Variants in EXOC6 observed in about 807,000 individuals in gnomAD.
The protein encoded by EXOC6 is SEC15-like 1.
EXOC6 carries 60 observed loss-of-function variants against 112.5 expected under a neutral mutation model. The observed-to-expected ratio is 0.53, with a 90% CI of 0.43 to 0.66. The LOEUF is 0.66. EXOC6 is among the 30% of genes least tolerant of loss of function. The pLI is 0.00. For missense variants in EXOC6, 855 were observed against 957.1 expected, an observed-to-expected ratio of 0.89 and a Z score of 1.41; for synonymous variants, 295 against 308.0, an observed-to-expected ratio of 0.96 and a Z score of 0.44.
At chr10:92,840,090 A>T (rs957684512) in intron 1 of EXOC6, among the ~76,000 whole-genome samples, 12 of 151,486 alleles carry the variant, frequency 7.9e-5, no homozygotes, top group African/African-American at 2.7e-4. Flanking sequence ...TTTAGGAATA[A>T]AGATAACGTG....
At chr10:92,878,575 G>C (rs1848789802) in intron 1 of EXOC6, among the ~76,000 whole-genome samples, 1 of 152,046 alleles carries the variant, frequency 6.6e-6, no homozygotes, top group Non-Finnish European at 1.5e-5. Flanking sequence ...TGCGCCCCTG[G>C]AAGATCATAC....
intron 17 of EXOC6, among the ~76,000 whole-genome samples, chr10:92,964,717 G>A (rs1841974692): frequency 1.3e-5 from 2 of 152,180 alleles, no homozygotes; most frequent in Non-Finnish European, 2.9e-5. Context: ...AAACAATAAA[G>A]GAAAAATTAT....
At chr10:92,858,617 C>T (rs1847743695) in intron 1 of EXOC6, among the ~76,000 whole-genome samples, 2 of 152,152 alleles carry the variant, frequency 1.3e-5, no homozygotes, top group Admixed American at 1.3e-4. Flanking sequence ...ATTTCTACTT[C>T]TTTATCCATC....
intron 19 of EXOC6, among the ~76,000 whole-genome samples, 168 bp downstream of exon 19, chr10:92,997,783 A>G (rs1442659715): frequency 1.3e-5 from 2 of 152,182 alleles, no homozygotes; most frequent in African/African-American, 4.8e-5. Context: ...GGAAGATAAA[A>G]ATATCTCAGC....
upstream of EXOC6, among the ~76,000 whole-genome samples, chr10:92,831,733 C>T (rs149021721): frequency 1.8e-3 from 276 of 152,174 alleles, 1 homozygote; most frequent in African/African-American, 6.5e-3. Flanking sequence ...CCGCGCCCAG[C>T]CTATTCTATT....
intron 19 of EXOC6, among the ~76,000 whole-genome samples, chr10:93,009,787 C>T (rs546454495): frequency 6.6e-6 from 1 of 152,152 alleles, no homozygotes; most frequent in African/African-American, 2.4e-5. Context: ...ACTAAGGTGC[C>T]CCTAGGGAAA....
chr10:92,907,526 G>C (rs1325285271), intron 5 of EXOC6, among the ~76,000 whole-genome samples: 1 of 152,152 alleles, frequency 6.6e-6, no homozygotes, highest in Non-Finnish European at 1.5e-5. Flanking sequence ...TAAGTTGACT[G>C]TGTCTGTGGT....
intron 18 of EXOC6, among the ~76,000 whole-genome samples, chr10:92,992,912 C>A (rs192830285): frequency 7.1e-4 from 107 of 151,692 alleles, no homozygotes; most frequent in African/African-American, 2.4e-3. Context: ...TTTATTCATT[C>A]ATTAATGAAT....
At chr10:93,043,454 C>A (rs916208056) in intron 20 of EXOC6, among the ~76,000 whole-genome samples, 2 of 152,150 alleles carry the variant, frequency 1.3e-5, no homozygotes, top group African/African-American at 4.8e-5. Flanking sequence ...TCTTTGTTCT[C>A]CTCTTAATTA....
chr10:92,986,999 TC>T (rs1039156742), intron 18 of EXOC6, among the ~76,000 whole-genome samples: 1 of 151,952 alleles, frequency 6.6e-6, no homozygotes, highest in African/African-American at 2.4e-5. Flanking sequence ...GTGCCGTCTT[TC>T]CTCGAGTAAT....
At chr10:92,846,991 G>A (rs1256818554), upstream of EXOC6, among the ~76,000 whole-genome samples, 1 of 152,206 alleles carries the variant, frequency 6.6e-6, no homozygotes, top group Non-Finnish European at 1.5e-5. Flanking sequence ...TTTGAAGATG[G>A]AGGAAGGGGG....
At chr10:92,955,099 A>C (rs976002680) in intron 16 of EXOC6, among the ~76,000 whole-genome samples, 2 of 152,102 alleles carry the variant, frequency 1.3e-5, no homozygotes, top group African/African-American at 4.8e-5. Context: ...ACTTGAGCCC[A>C]GGAGGTTGAG....
At chr10:93,017,527 T>C (rs938348699) in intron 20 of EXOC6, among the ~76,000 whole-genome samples, 4 of 151,514 alleles carry the variant, frequency 2.6e-5, no homozygotes, top group African/African-American at 9.7e-5. Flanking sequence ...GAGATGGAGG[T>C]TGCAGTGAGC....
intron 20 of EXOC6, among the ~76,000 whole-genome samples, chr10:93,031,833 G>A (rs1379617020): frequency 1.3e-5 from 2 of 151,912 alleles, no homozygotes; most frequent in Admixed American, 6.6e-5. Context: ...TTTAAAAGAG[G>A]CACCCCATAA....
intron 12 of EXOC6, among the ~76,000 whole-genome samples, chr10:92,936,381 T>A (rs1806221064): frequency 6.6e-6 from 1 of 152,246 alleles, no homozygotes; most frequent in Non-Finnish European, 1.5e-5. Context: ...TATGATACTT[T>A]GTATGAAAAC....
At chr10:92,845,774 A>T (rs12771396), upstream of EXOC6, among the ~76,000 whole-genome samples, 43,250 of 151,586 alleles carry the variant, frequency 0.29, 6,481 homozygotes, top group Middle Eastern at 0.37. Context: ...CCCAGTCTCT[A>T]CTAAAAATAC....
At chr10:92,846,331 T>C (rs1042328442), upstream of EXOC6, among the ~76,000 whole-genome samples, 6 of 152,160 alleles carry the variant, frequency 3.9e-5, no homozygotes, top group African/African-American at 1.2e-4. Context: ...CTGGAGACAT[T>C]GGTCAAATAG....
chr10:93,000,815 C>T (rs532195118), intron 19 of EXOC6, among the ~76,000 whole-genome samples: 1 of 152,174 alleles, frequency 6.6e-6, no homozygotes, highest in African/African-American at 2.4e-5. Context: ...CATCTTTTTA[C>T]TTAAGTAATA....
chr10:92,934,425 C>T lies in EXOC6; in HGVS notation c.1135C>T (p.His379Tyr). The T allele has an allele frequency of 6.4e-7, 1 of 1,563,956 alleles. No homozygotes were observed. The highest frequency in any genetic ancestry group is 8.6e-7 in the Non-Finnish European group (1 of 1,160,100). The change falls in exon 11 of 22, where the codon CAT (histidine) becomes TAT (tyrosine). Residue 379 changes from histidine to tyrosine, a missense_variant. Coordinates refer to ENST00000260762, the MANE Select transcript of EXOC6 (RefSeq NM_019053.6). ...AAAGATAATTGCTGTCCTTAGAGCT[C>T]ATTCAGTAAGTCAGACAATTTACAT... ...LSKIIAVLRA[H>Y]SSYCTDPDLV...
Sources: allele counts gnomAD v4.1 joint callset (sites outside exome capture counted in the v4.1 genomes callset), GRCh38; gene constraint gnomAD v4.1.1; transcripts MANE v1.5; gene names NCBI Gene and HGNC (gene_info 2026-07-23, HGNC 2026-07-21).